LHFPL7: variants seen among roughly 807,000 people sequenced by gnomAD.
The protein encoded by LHFPL7 is LHFPL tetraspan subfamily member 7 protein.
At chr22:24,946,233 C>T in the LHFPL7 span, among the ~76,000 whole-genome samples, 4 of 152,012 alleles carry the variant, frequency 2.6e-5, no homozygotes, top group African/African-American at 9.7e-5. Flanking sequence ...TCACTTGAAC[C>T]CGGAAGGCGG....
At chr22:24,938,420 T>TCC in the LHFPL7 span, 1 of 1,491,552 alleles carries the variant, frequency 6.7e-7, no homozygotes, top group Non-Finnish European at 9.0e-7. Context: ...AGGTGGATGC[T>TCC]CCCCTGCTCA....
the LHFPL7 span, among the ~76,000 whole-genome samples, chr22:24,940,242 C>T: frequency 6.7e-6 from 1 of 148,374 alleles, no homozygotes; most frequent in Admixed American, 6.7e-5. Context: ...TCCATTCTTC[C>T]ATGGAGCCTC....
At chr22:24,941,979 TTTTATTTA>T in the LHFPL7 span, among the ~76,000 whole-genome samples, 356 of 145,974 alleles carry the variant, frequency 2.4e-3, 1 homozygote, top group African/African-American at 8.5e-3. Flanking sequence ...TTCAAATGTA[TTTTATTTA>T]TTTATTTATT....
At chr22:24,942,160 A>G in the LHFPL7 span, among the ~76,000 whole-genome samples, 1 of 148,592 alleles carries the variant, frequency 6.7e-6, no homozygotes, top group African/African-American at 2.5e-5. Flanking sequence ...ATGCCCGGCT[A>G]ATTTTTTGTA....
chr22:24,935,655 A>G, the LHFPL7 span: 1 of 1,555,970 alleles, frequency 6.4e-7, no homozygotes. Context: ...CTAACTTTCC[A>G]TCCCACGACT....
At chr22:24,943,132 G>A in the LHFPL7 span, among the ~76,000 whole-genome samples, 5 of 152,020 alleles carry the variant, frequency 3.3e-5, no homozygotes, top group Non-Finnish European at 2.9e-5. Flanking sequence ...ACCAAAATCA[G>A]CCTCTCCTTT....
chr22:24,939,253 A>C, the LHFPL7 span: 35 of 696,392 alleles, frequency 5.0e-5, no homozygotes, highest in Admixed American at 6.4e-4. Flanking sequence ...AGCCTCCTCG[A>C]ATTCCGCTCA....
the LHFPL7 span, among the ~76,000 whole-genome samples, chr22:24,944,560 C>T: frequency 8.9e-4 from 135 of 152,056 alleles, 1 homozygote; most frequent in African/African-American, 2.1e-3. Flanking sequence ...AAGAGCGGTG[C>T]GCCTTGTAGC....
At chr22:24,939,293 C>T in the LHFPL7 span, 1 of 701,952 alleles carries the variant, frequency 1.4e-6, no homozygotes, top group Non-Finnish European at 2.6e-6. Flanking sequence ...TGAGTTTAAA[C>T]GAGCCCCTGA....
chr22:24,942,892 A>AGTGTGTGTGTGT, the LHFPL7 span, among the ~76,000 whole-genome samples: 94 of 128,122 alleles, frequency 7.3e-4, no homozygotes, highest in Admixed American at 1.3e-3. Context: ...AAGGGGATAA[A>AGTGTGTGTGTGT]GTGTGTGTGT....
At chr22:24,940,929 A>AT in the LHFPL7 span, among the ~76,000 whole-genome samples, 34 of 151,732 alleles carry the variant, frequency 2.2e-4, no homozygotes, top group Middle Eastern at 0.014. Context: ...ATTTATTTTT[A>AT]TTTTTTTGCA....
chr22:24,939,126 C>T, the LHFPL7 span, among the ~76,000 whole-genome samples: 76,436 of 152,010 alleles, frequency 0.5, 19,763 homozygotes, highest in East Asian at 0.73. Context: ...AACTTGGCAT[C>T]TTTGCAAAGT....
At chr22:24,946,137 C>T in the LHFPL7 span, among the ~76,000 whole-genome samples, 1 of 152,112 alleles carries the variant, frequency 6.6e-6, no homozygotes, top group African/African-American at 2.4e-5. Flanking sequence ...TGGCAAAACC[C>T]TGTCTCTACT....
At chr22:24,943,581 A>G in the LHFPL7 span, among the ~76,000 whole-genome samples, 1 of 152,194 alleles carries the variant, frequency 6.6e-6, no homozygotes, top group Non-Finnish European at 1.5e-5. Context: ...TATAGATAAT[A>G]TTATCACTGT....
At chr22:24,945,344 CAGA>C in the LHFPL7 span, among the ~76,000 whole-genome samples, 1 of 152,094 alleles carries the variant, frequency 6.6e-6, no homozygotes, top group African/African-American at 2.4e-5. Context: ...GAGAAGTCTT[CAGA>C]AGATGACTCG....
chr22:24,946,421 ACC>A, the LHFPL7 span, among the ~76,000 whole-genome samples: 16 of 37,228 alleles, frequency 4.3e-4, no homozygotes, highest in South Asian at 4.3e-3. Flanking sequence ...CCACCCACCC[ACC>A]CACACACACA....
chr22:24,940,737 C>G, the LHFPL7 span, among the ~76,000 whole-genome samples: 1,047 of 88,462 alleles, frequency 0.012, 7 homozygotes, highest in African/African-American at 0.021. Flanking sequence ...TTCCTTGCTT[C>G]CTTCCTTCCT....
the LHFPL7 span, among the ~76,000 whole-genome samples, chr22:24,935,757 C>T: frequency 6.6e-6 from 1 of 152,056 alleles, no homozygotes; most frequent in Non-Finnish European, 1.5e-5. Flanking sequence ...TCTACCCACT[C>T]ATTCAACTAC....
chr22:24,943,350 G>A, the LHFPL7 span, among the ~76,000 whole-genome samples: 13 of 152,176 alleles, frequency 8.5e-5, no homozygotes, highest in African/African-American at 2.9e-4. Flanking sequence ...ACCTAAATGA[G>A]GCATTATAAC....
Sources: gnomAD v4.1 joint callset for allele counts (sites outside exome capture counted in the v4.1 genomes callset) on GRCh38, gnomAD v4.1.1 for gene constraint, MANE v1.5 for transcripts, NCBI Gene and HGNC (gene_info 2026-07-23, HGNC 2026-07-21) for gene names.